IKBKB: variants seen among roughly 807,000 people sequenced by gnomAD.
The protein encoded by IKBKB is inhibitor of nuclear factor kappa B kinase subunit beta.
IKBKB carries 42 observed loss-of-function variants against 113.6 expected under a neutral mutation model. The observed-to-expected ratio is 0.37, with a 90% CI of 0.29 to 0.48. The LOEUF (loss-of-function observed/expected upper bound fraction) is 0.48. Among genes scored for constraint, IKBKB ranks in the 20% least tolerant of loss-of-function variants. The pLI, the probability that IKBKB is intolerant of heterozygous loss-of-function variation, is 0.99. For missense variants in IKBKB, 673 were observed against 939.7 expected, an observed-to-expected ratio of 0.72 and a Z score of 3.71; for synonymous variants, 296 against 361.3, an observed-to-expected ratio of 0.82 and a Z score of 2.05.
At chr8:42,329,423 A>C (rs559497902) in intron 21 of IKBKB, 1 of 938,602 alleles carries the variant, frequency 1.1e-6, no homozygotes, top group African/African-American at 1.8e-5. Flanking sequence ...CCCGGGTTCA[A>C]GTGATTCTCA....
chr8:42,272,879 G>T (rs1808093290), intron 2 of IKBKB, among the ~76,000 whole-genome samples: 1 of 146,706 alleles, frequency 6.8e-6, no homozygotes. Flanking sequence ...GGCGGAGGTT[G>T]CAGTGAGCCA....
chr8:42,331,391 A>G lies in IKBKB; in HGVS notation c.*412A>G, dbSNP rs754265891. The G allele has an allele frequency of 2.3e-5, 16 of 702,780 alleles. No homozygotes were observed. Among genetic ancestry groups the G allele is most frequent in the African/African-American group, 1.0e-4 (6 of 57,276 alleles). 43.5% of individuals were successfully genotyped at this position (702,780 alleles called of 1,614,324 possible). A position where few individuals can be genotyped will look rare whatever the true frequency, so the allele number is the denominator to read the frequency against. ...CACACACGTGACTGGACAGTGTCCA[A>G]TTCAAATCTTTCAGGGCAGAGTCCG... On this transcript the variant is annotated 3_prime_UTR_variant, in exon 22 of 22. Coordinates refer to ENST00000520810, the MANE Select transcript of IKBKB (RefSeq NM_001556.3).
chr8:42,325,603 C>T, intron 19 of IKBKB: 1 of 902,558 alleles, frequency 1.1e-6, no homozygotes, highest in South Asian at 3.9e-5. Flanking sequence ...CGCTTAAACC[C>T]CGGAGGTGGA....
Position 42,305,218 on chromosome 8 carries a change from A to AATCATCCATC in IKBKB, c.421_430dup (p.Arg144HisfsTer26). 6.2e-7 allele frequency: 1 copy of AATCATCCATC among 1,613,994 alleles called. No homozygotes were observed. Among genetic ancestry groups the AATCATCCATC allele is most frequent in the Non-Finnish European group, 8.5e-7 (1 of 1,179,892 alleles). On this transcript the variant is annotated frameshift_variant, in exon 6 of 22. Transcript: ENST00000520810. LOFTEE classifies it high-confidence loss of function. ...CGCTTAGATACCTTCATGAAAACAG[A>AATCATCCATC]ATCATCCATCGGGATCTAAAGCCAG...
Position 42,329,148 on chromosome 8 carries a change from T to C in IKBKB, c.2139T>C (p.His713=), listed in dbSNP as rs200534030. The C allele has an allele frequency of 3.5e-5, 56 of 1,604,204 alleles. 1 individual carries two copies. The South Asian group carries it at 6.0e-4, about 17-fold the overall frequency. Residue 713 remains histidine (H), a synonymous_variant, in exon 21 of 22, where the codon CAT becomes CAC. Coordinates refer to ENST00000520810, the MANE Select transcript of IKBKB (RefSeq NM_001556.3). ...KKSEELVAEA[H]NLCTLLENAI... Reference sequence around the variant, plus strand: ...GTGAAGAACTGGTGGCTGAAGCACATAACCTCTGCACCCTGCTAGAAAATG... The same window carrying C: ...GTGAAGAACTGGTGGCTGAAGCACACAACCTCTGCACCCTGCTAGAAAATG...
Position 42,320,749 on chromosome 8 carries a change from A to G in IKBKB, c.1593A>G (p.Lys531=). 6.2e-7 allele frequency: 1 copy of G among 1,613,152 alleles called. No individual in the cohort carries two copies. Among genetic ancestry groups the G allele is most frequent in the Non-Finnish European group, 8.5e-7 (1 of 1,179,440 alleles). Residue 531 remains lysine (K), a synonymous_variant, in exon 16 of 22, where the codon AAA becomes AAG. Coordinates refer to ENST00000520810, the MANE Select transcript of IKBKB (RefSeq NM_001556.3). The stretch of plus-strand genomic sequence containing the variant: ...TTTTCCATTAGGAGAACGAAGTGAA[A>G]CTCCTGGTAGAACGGATGATGGCTC... The part of the protein sequence containing the change: ...VELCGRENEV[K]LLVERMMALQ...
intron 5 of IKBKB, among the ~76,000 whole-genome samples, chr8:42,304,648 C>T (rs1485905897): frequency 6.6e-6 from 1 of 152,192 alleles, no homozygotes; most frequent in Non-Finnish European, 1.5e-5. Context: ...CCCGCTGCTT[C>T]CTGGAAGCCA....
intron 19 of IKBKB, among the ~76,000 whole-genome samples, chr8:42,322,768 G>C (rs1820005969): frequency 1.3e-5 from 2 of 152,244 alleles, no homozygotes; most frequent in East Asian, 1.9e-4. Context: ...ACAGAAATTT[G>C]GGCTAGGCAT....
At chr8:42,303,020 C>T (rs1304671762) in intron 5 of IKBKB, among the ~76,000 whole-genome samples, 1 of 149,616 alleles carries the variant, frequency 6.7e-6, no homozygotes, top group Non-Finnish European at 1.5e-5. Flanking sequence ...GGATCGCTGC[C>T]TGGGCCTCAG....
chr8:42,315,322 A>G (rs1008458026), intron 9 of IKBKB, among the ~76,000 whole-genome samples: 5 of 152,216 alleles, frequency 3.3e-5, no homozygotes, highest in African/African-American at 9.6e-5. Flanking sequence ...TTAGTGCTAT[A>G]TGGAATGACG....
intron 8 of IKBKB, among the ~76,000 whole-genome samples, chr8:42,311,517 C>T (rs1321789664): frequency 3.5e-5 from 5 of 141,458 alleles, no homozygotes; most frequent in Admixed American, 7.9e-5. Flanking sequence ...GCCAAGATTG[C>T]GCTGTTGCAC....
intron 21 of IKBKB, chr8:42,329,641 G>A (rs1821431563): frequency 2.0e-6 from 2 of 985,004 alleles, no homozygotes; most frequent in South Asian, 4.7e-5. Flanking sequence ...GAGGAAGAAG[G>A]TAGCATTGTT....
intron 11 of IKBKB, 163 bp downstream of exon 11, chr8:42,317,067 G>A (rs1222853507): frequency 1.4e-6 from 1 of 712,882 alleles, no homozygotes; most frequent in Non-Finnish European, 2.5e-6. Context: ...TCCTCTGTGT[G>A]GCCTGATAGG....
intron 5 of IKBKB, among the ~76,000 whole-genome samples, chr8:42,303,112 AGAGAGAATGAGAGAGAGAGAGAGAG>A (rs1341393260): frequency 4.5e-4 from 67 of 147,696 alleles, no homozygotes; most frequent in African/African-American, 1.8e-3. Context: ...AGAGAGAGAG[AGAGAGAATGAGAGAGAGAGAGAGAG>A]GAGAGAGAAT....
At position 42,314,319 on chromosome 8, in the gene IKBKB, C is replaced by T. The variant is rs372275481; in HGVS notation, c.693-3C>T. On this transcript the variant is annotated splice_polypyrimidine_tract_variant and splice_region_variant and intron_variant, in intron 8 of 21. Transcript: ENST00000520810. ...CTGCACCTAACAAGATTCATATTTG[C>T]AGGCATTCAAAAGTGCGGCAGAAGA... The T allele has an allele frequency of 6.2e-7, 1 of 1,603,726 alleles. No individual in the cohort carries two copies. The highest frequency in any genetic ancestry group is 8.5e-7 in the Non-Finnish European group (1 of 1,170,612).
chr8:42,305,066 A>G (rs1033912990), intron 5 of IKBKB, 121 bp from the exon 6 acceptor site: 17 of 686,810 alleles, frequency 2.5e-5, no homozygotes, highest in African/African-American at 3.5e-5. Context: ...ACCCTGAGGT[A>G]TTGCGCTACA....
intron 12 of IKBKB, among the ~76,000 whole-genome samples, chr8:42,318,016 C>T (rs966983384): frequency 1.3e-5 from 2 of 152,134 alleles, no homozygotes; most frequent in African/African-American, 4.8e-5. Context: ...AATCCCAGCA[C>T]TTTGGGAGGC....
At chr8:42,288,453 A>G (rs1426447139) in intron 2 of IKBKB, among the ~76,000 whole-genome samples, 181 bp from the exon 3 acceptor site, 3 of 151,222 alleles carry the variant, frequency 2.0e-5, no homozygotes, top group Non-Finnish European at 2.9e-5. Flanking sequence ...GTGGAGTGGT[A>G]AGGAGACAGC....
chr8:42,314,349 G>C lies in IKBKB; in HGVS notation c.720G>C (p.Glu240Asp), dbSNP rs1388654905. The change falls in exon 9 of 22, where the codon GAG (glutamate) becomes GAC (aspartate). Residue 240 changes from glutamate to aspartate, a missense_variant. Around this residue, in one of 2 missense-constraint regions of IKBKB, gnomAD observed 506 missense variants for 638.7 expected, o/e 0.79. Coordinates refer to ENST00000520810, the MANE Select transcript of IKBKB (RefSeq NM_001556.3). ...ATTCAAAAGTGCGGCAGAAGAGTGA[G>C]GTGGACATTGTTGTTAGCGAAGACT... is the stretch of plus-strand genomic sequence containing the variant. ...QWHSKVRQKS[E>D]VDIVVSEDLN... 6.2e-7 allele frequency: 1 copy of C among 1,613,986 alleles called. No homozygotes were observed. Among genetic ancestry groups the C allele is most frequent in the Admixed American group, 1.7e-5 (1 of 60,018 alleles).
Sources: gnomAD v4.1 joint callset for allele counts (sites outside exome capture counted in the v4.1 genomes callset) on GRCh38, gnomAD v4.1.1 for gene constraint, gnomAD v4.1.1 regional missense constraint, MANE v1.5 for transcripts, NCBI Gene and HGNC (gene_info 2026-07-23, HGNC 2026-07-21) for gene names.